VGLL3: variants seen among roughly 807,000 people sequenced by gnomAD.
VGLL3 encodes the protein transcription cofactor vestigial-like protein 3.
A neutral mutation model predicts 29.2 loss-of-function variants in VGLL3; 18 were observed. The ratio of observed to expected loss-of-function variants is 0.62; its 90% confidence interval spans 0.43 to 0.91. The LOEUF is 0.91. VGLL3 is among the 40% of genes least tolerant of loss of function. VGLL3 has a pLI of 0.00. For missense variants in VGLL3, 440 were observed against 413.2 expected (o/e 1.06, Z -0.56); for synonymous variants, 180 against 151.8 (o/e 1.19, Z -1.36).
intron 2 of VGLL3, among the ~76,000 whole-genome samples, chr3:86,973,366 C>T (rs557371407): frequency 6.6e-6 from 1 of 152,246 alleles, no homozygotes; most frequent in Non-Finnish European, 1.5e-5. Flanking sequence ...AAATTCTACT[C>T]AATTCTTAAG....
At chr3:86,976,604 G>A (rs1459006177) in intron 2 of VGLL3, among the ~76,000 whole-genome samples, 1 of 152,160 alleles carries the variant, frequency 6.6e-6, no homozygotes, top group Non-Finnish European at 1.5e-5. Context: ...CCCTTTCTAT[G>A]CTACAGTTTA....
intron 3 of VGLL3, chr3:86,962,349 G>T (rs375173666): frequency 4.1e-6 from 4 of 985,056 alleles, no homozygotes; most frequent in Non-Finnish European, 4.8e-6. Flanking sequence ...CAAAATATGG[G>T]GTGGCATACA....
At position 86,990,691 on chromosome 3, in the gene VGLL3, T is replaced by C. The variant is rs748772450; in HGVS notation, c.53A>G (p.Tyr18Cys). ...TGTCGCTGCCATGGGGTTGGGCAGA[T>C]ACTGGGACGCTCCATAAGGCTGGGG... ...YHPQPYGASQ[Y>C]LPNPMAATTC... The change falls in exon 1 of 4, where the codon TAT becomes TGT. Residue 18 changes from tyrosine (Y) to cysteine (C), a missense_variant. By Grantham distance (194) the Tyr-to-Cys change is radical (BLOSUM62 -2). Coordinates refer to ENST00000398399, the MANE Select transcript of VGLL3 (RefSeq NM_016206.4). The C allele has an allele frequency of 7.7e-6, 11 of 1,432,414 alleles. No homozygotes were observed. In the South Asian group the frequency reaches 8.7e-5, roughly 11 times the overall value. The allele number at this position is 1,432,414 out of a possible 1,614,324, so 88.7% of individuals were successfully genotyped here.
chr3:86,976,706 A>G (rs1024148614), intron 2 of VGLL3, among the ~76,000 whole-genome samples: 4 of 152,220 alleles, frequency 2.6e-5, no homozygotes, highest in African/African-American at 9.6e-5. Context: ...ACAACATCCC[A>G]CTAAAAATTA....
chr3:86,962,176 C>G (rs1342256866), intron 3 of VGLL3: 2 of 985,150 alleles, frequency 2.0e-6, no homozygotes, highest in Non-Finnish European at 1.2e-6. Flanking sequence ...GCATTTTTCA[C>G]GTGGAGGGCA....
chr3:86,979,488 G>A (rs1181616919), intron 1 of VGLL3, among the ~76,000 whole-genome samples: 1 of 152,056 alleles, frequency 6.6e-6, no homozygotes, highest in African/African-American at 2.4e-5. Context: ...CAAAATACTA[G>A]TAGTGGGTTA....
At chr3:86,954,902 C>CAAAAAAAAAAAAAAAAAAAAAA (rs879461102) in intron 3 of VGLL3, among the ~76,000 whole-genome samples, 10 of 128,136 alleles carry the variant, frequency 7.8e-5, no homozygotes, top group African/African-American at 2.5e-4. Context: ...GGAGCAAAAC[C>CAAAAAAAAAAAAAAAAAAAAAA]AAAAAAAAAA....
At chr3:86,978,263 T>C (rs1250559515) in intron 2 of VGLL3, among the ~76,000 whole-genome samples, 1 of 152,214 alleles carries the variant, frequency 6.6e-6, no homozygotes, top group Admixed American at 6.5e-5. Flanking sequence ...CGCAGCTCAG[T>C]GCAGCCACTA....
chr3:86,956,792 CAAAAA>C (rs55781336), intron 3 of VGLL3, among the ~76,000 whole-genome samples: 4 of 90,860 alleles, frequency 4.4e-5, no homozygotes, highest in Non-Finnish European at 2.1e-5. Context: ...CCCACCGTCC[CAAAAA>C]AAAAAAAAAA....
chr3:86,947,095 T>TA, intron 3 of VGLL3, 28 bp from the exon 4 acceptor site: 1 of 779,838 alleles, frequency 1.3e-6, no homozygotes, highest in South Asian at 1.3e-5. Context: ...GGGGAAAAAA[T>TA]AAAGAACATT....
chr3:86,981,584 A>G (rs1380175852), intron 1 of VGLL3, among the ~76,000 whole-genome samples: 4 of 151,974 alleles, frequency 2.6e-5, no homozygotes, highest in Admixed American at 6.6e-5. Context: ...TAAAATATTT[A>G]TACTGATTCC....
At chr3:86,984,823 T>G (rs887337067) in intron 1 of VGLL3, among the ~76,000 whole-genome samples, 1 of 152,156 alleles carries the variant, frequency 6.6e-6, no homozygotes, top group Non-Finnish European at 1.5e-5. Context: ...AGGGCAATAA[T>G]AAATAAAGAG....
Position 86,968,783 on chromosome 3 carries a change from G to C in VGLL3, c.744C>G (p.His248Gln), listed in dbSNP as rs758524755. 3 of 1,614,084 alleles carry C rather than the reference G, an allele frequency of 1.9e-6. No homozygotes were observed. The highest frequency in any genetic ancestry group is 1.3e-5 in the African/African-American group (1 of 74,946). ...HRHRHHHHHH[H>Q]PPAGSALDPS... ...GATCCAGGGCAGAGCCAGCAGGAGGGTGGTGATGGTGATGATGGTGGCGGT... is the reference window on the plus strand; with the variant it reads ...GATCCAGGGCAGAGCCAGCAGGAGGCTGGTGATGGTGATGATGGTGGCGGT... Residue 248 changes from histidine to glutamine, a missense_variant, in exon 3 of 4, where the codon CAC becomes CAG. By Grantham distance (24) the His-to-Gln change is conservative. Transcript: ENST00000398399.
Position 86,941,424 on chromosome 3 carries a change from T to C in VGLL3, c.*5600A>G, listed in dbSNP as rs960324143. 2.0e-5 allele frequency: 3 copies of C among 152,266 alleles called. No homozygotes were observed. Among genetic ancestry groups the C allele is most frequent in the Non-Finnish European group, 4.4e-5 (3 of 67,890 alleles). The allele number at this position is 152,266 out of a possible 1,614,324, so 9.4% of individuals were successfully genotyped here. On this transcript the variant is annotated 3_prime_UTR_variant, in exon 4 of 4. Coordinates refer to ENST00000398399, the MANE Select transcript of VGLL3 (RefSeq NM_016206.4). ...TTGCATTTTAAAAGAATTATTCTTA[T>C]GCCAAATTTAGTAGTCTAGAAATTG...
intron 3 of VGLL3, among the ~76,000 whole-genome samples, chr3:86,963,815 A>C (rs910066430): frequency 6.6e-6 from 1 of 152,220 alleles, no homozygotes; most frequent in Admixed American, 6.5e-5. Flanking sequence ...TTCTTTTGTA[A>C]GTGGCAGAGC....
intron 3 of VGLL3, among the ~76,000 whole-genome samples, chr3:86,949,687 G>A (rs1313558030): frequency 2.6e-5 from 4 of 151,858 alleles, no homozygotes; most frequent in Admixed American, 6.5e-5. Flanking sequence ...TTAGCCGGGC[G>A]TGATGGCGGG....
intron 3 of VGLL3, among the ~76,000 whole-genome samples, chr3:86,948,492 A>G (rs1704549163): frequency 6.6e-6 from 1 of 152,182 alleles, no homozygotes; most frequent in Admixed American, 6.5e-5. Context: ...GGACTACACA[A>G]AGGGCAAAAG....
At chr3:86,970,483 G>GCACACACACACACACACA (rs10694503) in intron 2 of VGLL3, among the ~76,000 whole-genome samples, 1,692 of 141,236 alleles carry the variant, frequency 0.012, 29 homozygotes, top group Non-Finnish European at 0.016. Flanking sequence ...TTACACACAC[G>GCACACACACACACACACA]CACACACACA....
intron 2 of VGLL3, among the ~76,000 whole-genome samples, chr3:86,978,183 A>ATGTTGCCTAGGCTGGTCTCG (rs1705248067): frequency 6.6e-6 from 1 of 152,160 alleles, no homozygotes; most frequent in Admixed American, 6.5e-5. Context: ...TAATTTTTTA[A>ATGTTGCCTAGGCTGGTCTCG]AAGCTGATTT....
Sources: gnomAD v4.1 joint callset for allele counts (sites outside exome capture counted in the v4.1 genomes callset) on GRCh38, gnomAD v4.1.1 for gene constraint, MANE v1.5 for transcripts, NCBI Gene and HGNC (gene_info 2026-07-23, HGNC 2026-07-21) for gene names.